LSAMP: variants seen among roughly 807,000 people sequenced by gnomAD.
The protein encoded by LSAMP is limbic system associated membrane protein.
In LSAMP, 7 loss-of-function variants were observed where a neutral mutation model predicts 38.6. The ratio of observed to expected loss-of-function variants is 0.18; its 90% CI spans 0.10 to 0.34. The LOEUF is 0.34. Ranked by LOEUF, LSAMP falls within the 10% of genes least tolerant of loss-of-function variation. The pLI is 1.00. For missense variants in LSAMP, 313 were observed against 420.0 expected, an observed-to-expected ratio of 0.75 and a Z score of 2.23; for synonymous variants, 154 against 166.8, an observed-to-expected ratio of 0.92 and a Z score of 0.59.
At chr3:115,985,131 A>T (rs926757679) in intron 3 of LSAMP, among the ~76,000 whole-genome samples, 2 of 152,212 alleles carry the variant, frequency 1.3e-5, no homozygotes, top group African/African-American at 2.4e-5. Flanking sequence ...TGGTCACTTT[A>T]CAGAGGAAGG....
intron 1 of LSAMP, among the ~76,000 whole-genome samples, chr3:116,268,611 T>G (rs1187213258): frequency 6.6e-6 from 1 of 151,910 alleles, no homozygotes; most frequent in Non-Finnish European, 1.5e-5. Context: ...AAACATAGAG[T>G]CTCTCCCCCT....
At chr3:116,431,225 G>A (rs1208752974) in intron 1 of LSAMP, among the ~76,000 whole-genome samples, 1 of 151,816 alleles carries the variant, frequency 6.6e-6, no homozygotes, top group Non-Finnish European at 1.5e-5. Context: ...AAAAAATCTA[G>A]CTCATTTTTG....
At chr3:116,170,428 T>A (rs1202523258) in intron 1 of LSAMP, among the ~76,000 whole-genome samples, 1 of 152,158 alleles carries the variant, frequency 6.6e-6, no homozygotes, top group African/African-American at 2.4e-5. Context: ...TTTCATATTA[T>A]AAGAAGTAAA....
chr3:115,949,645 T>C (rs1938218094), intron 3 of LSAMP, among the ~76,000 whole-genome samples: 1 of 152,072 alleles, frequency 6.6e-6, no homozygotes, highest in Non-Finnish European at 1.5e-5. Context: ...CTGAAATTTC[T>C]ATCAGTCATT....
At chr3:116,015,058 T>G (rs1259936320) in intron 3 of LSAMP, among the ~76,000 whole-genome samples, 1 of 152,162 alleles carries the variant, frequency 6.6e-6, no homozygotes, top group African/African-American at 2.4e-5. Flanking sequence ...TTCAGACTCC[T>G]CTTAGCTTCT....
At chr3:116,379,821 C>G (rs985572659) in intron 1 of LSAMP, among the ~76,000 whole-genome samples, 2 of 151,908 alleles carry the variant, frequency 1.3e-5, no homozygotes, top group East Asian at 3.9e-4. Flanking sequence ...CATGGATGAC[C>G]TGATAAAAGA....
At chr3:116,150,183 G>T (rs943704023) in intron 1 of LSAMP, among the ~76,000 whole-genome samples, 1 of 152,004 alleles carries the variant, frequency 6.6e-6, no homozygotes, top group African/African-American at 2.4e-5. Context: ...CACAGCAGGG[G>T]CCTGAGTTTA....
At chr3:116,144,481 C>T (rs2107519391) in intron 1 of LSAMP, among the ~76,000 whole-genome samples, 1 of 151,762 alleles carries the variant, frequency 6.6e-6, no homozygotes, top group African/African-American at 2.4e-5. Context: ...CATGAAGGTG[C>T]CACTACATTC....
intron 1 of LSAMP, among the ~76,000 whole-genome samples, chr3:116,422,298 T>C (rs894702091): frequency 1.3e-5 from 2 of 152,028 alleles, no homozygotes; most frequent in African/African-American, 2.4e-5. Flanking sequence ...ACTGAAAATA[T>C]TGAAAAAATG....
intron 3 of LSAMP, among the ~76,000 whole-genome samples, chr3:115,987,795 G>A (rs999008456): frequency 6.6e-6 from 1 of 152,076 alleles, no homozygotes; most frequent in Admixed American, 6.6e-5. Flanking sequence ...TTTAATGCAA[G>A]CATATTTTGC....
chr3:116,355,333 G>C (rs912919690), intron 1 of LSAMP, among the ~76,000 whole-genome samples: 3 of 152,050 alleles, frequency 2.0e-5, no homozygotes, highest in African/African-American at 7.2e-5. Context: ...AACATACATT[G>C]GGAAAAAGAC....
chr3:116,307,785 A>G (rs1199464551), intron 1 of LSAMP, among the ~76,000 whole-genome samples: 1 of 151,878 alleles, frequency 6.6e-6, no homozygotes, highest in African/African-American at 2.4e-5. Context: ...AAAAGAAAAA[A>G]ATTTTCACAT....
Position 115,942,870 on chromosome 3 carries a change from A to C in LSAMP, c.514+76645T>G, listed in dbSNP as rs74403894. ...TGAAAACAGAATCATGGAAGCATCC[A>C]TGGCTTTAACAGACTGCTCACATTC... On this transcript the variant is annotated intron_variant, in intron 3 of 6. Transcript: ENST00000490035. Among the ~76,000 whole-genome samples, 291 of 152,282 alleles carry C rather than the reference A, an allele frequency of 1.9e-3. 10 individuals are homozygous for C. In the East Asian group the frequency reaches 0.052, roughly 27 times the overall value.
At chr3:116,299,397 C>G (rs542414899) in intron 1 of LSAMP, among the ~76,000 whole-genome samples, 2 of 152,216 alleles carry the variant, frequency 1.3e-5, no homozygotes, top group African/African-American at 4.8e-5. Flanking sequence ...CAGAACCACA[C>G]GAACATGGTC....
At chr3:116,182,976 G>A (rs1180791100) in intron 1 of LSAMP, among the ~76,000 whole-genome samples, 1 of 151,806 alleles carries the variant, frequency 6.6e-6, no homozygotes, top group Non-Finnish European at 1.5e-5. Flanking sequence ...CTAATTGCTG[G>A]TCTCTGTTTA....
chr3:116,076,577 G>T (rs1200408121), intron 2 of LSAMP, among the ~76,000 whole-genome samples: 2 of 151,904 alleles, frequency 1.3e-5, no homozygotes, highest in South Asian at 2.1e-4. Context: ...TTTTAAAGTT[G>T]GTTATTTATG....
At chr3:115,883,845 T>C (rs1936383464) in intron 3 of LSAMP, among the ~76,000 whole-genome samples, 1 of 151,986 alleles carries the variant, frequency 6.6e-6, no homozygotes, top group Admixed American at 6.6e-5. Flanking sequence ...AATATTTTTA[T>C]CTTATGAGGG....
At chr3:115,969,005 A>G (rs1938920833) in intron 3 of LSAMP, among the ~76,000 whole-genome samples, 1 of 152,146 alleles carries the variant, frequency 6.6e-6, no homozygotes, top group South Asian at 2.1e-4. Context: ...AAGACCTACA[A>G]TCACTGAGCT....
rs144497517 is a variant in LSAMP at position 116,412,280 on chromosome 3, T to C, written c.155+32597A>G. ...CAGAAAGGCAAAGCAATAGATTAGA[T>C]TGAGTTAAAAAGATCTGTTCTCTAG... is the stretch of plus-strand genomic sequence containing the variant. On this transcript the variant is annotated intron_variant, in intron 1 of 6. Coordinates refer to ENST00000490035, the MANE Select transcript of LSAMP (RefSeq NM_002338.5). Among the ~76,000 whole-genome samples the C allele has an allele frequency of 2.8e-4, 43 of 152,188 alleles. No homozygotes were observed. The East Asian group carries it at 7.3e-3, about 26-fold the overall frequency.
Sources: allele counts gnomAD v4.1 joint callset (sites outside exome capture counted in the v4.1 genomes callset), GRCh38; gene constraint gnomAD v4.1.1; transcripts MANE v1.5; gene names NCBI Gene and HGNC (gene_info 2026-07-23, HGNC 2026-07-21).